The following PGPEP1L variants were observed in gnomAD, a reference collection of about 807,000 sequenced individuals.
PGPEP1L encodes the protein pyroglutamyl-peptidase I like.
Under a neutral mutation model 6.0 loss-of-function variants are expected in PGPEP1L, and 7 were observed. The observed-to-expected ratio is 1.17, with a 90% CI of 0.66 to 2.19. PGPEP1L has a LOEUF of 2.19. Ranked by LOEUF, PGPEP1L falls within the 30% of genes most tolerant of loss-of-function variation. PGPEP1L has a pLI of 0.00. For missense variants in PGPEP1L, 209 were observed against 192.5 expected (o/e 1.09, Z -0.51); for synonymous variants, 103 against 83.9 (o/e 1.23, Z -1.24).
rs1001539956 is a variant in PGPEP1L at position 98,994,621 on chromosome 15, G to A, written c.-142+10808C>T. Among the ~76,000 whole-genome samples, 7 of 152,148 alleles carry A rather than the reference G, an allele frequency of 4.6e-5. No homozygotes were observed. The East Asian group carries it at 5.8e-4, about 13-fold the overall frequency. ...AAAAAAATGGAGCTATTATTACTAC[G>A]ACCTTATACAAATAATGCTAGTTTA... On this transcript the variant is annotated intron_variant, in intron 2 of 4. Transcript: ENST00000535714.
chr15:99,002,058 C>A (rs2017979728), intron 2 of PGPEP1L, among the ~76,000 whole-genome samples: 1 of 152,124 alleles, frequency 6.6e-6, no homozygotes, highest in Admixed American at 6.5e-5. Flanking sequence ...GTCATGCAGG[C>A]TGGAGTGTAG....
At chr15:98,978,514 G>A (rs2017601984) in intron 2 of PGPEP1L, among the ~76,000 whole-genome samples, 1 of 152,030 alleles carries the variant, frequency 6.6e-6, no homozygotes, top group South Asian at 2.1e-4. Context: ...ATGTGAGGAT[G>A]GAGATGAGAA....
At chr15:98,982,386 T>G (rs1346868175) in intron 2 of PGPEP1L, among the ~76,000 whole-genome samples, 1 of 152,158 alleles carries the variant, frequency 6.6e-6, no homozygotes, top group Non-Finnish European at 1.5e-5. Flanking sequence ...GAAGTGAGAA[T>G]GCAAGGACAG....
chr15:98,996,791 C>T (rs544777029), intron 2 of PGPEP1L, among the ~76,000 whole-genome samples: 9 of 152,130 alleles, frequency 5.9e-5, no homozygotes, highest in Admixed American at 6.5e-5. Context: ...TCTACCTTAT[C>T]TGTGAATCAT....
intron 2 of PGPEP1L, among the ~76,000 whole-genome samples, chr15:98,989,168 G>A (rs567642934): frequency 3.3e-5 from 5 of 152,282 alleles, no homozygotes; most frequent in African/African-American, 4.8e-5. Context: ...TCACAAGGTG[G>A]ATAATAACAA....
chr15:98,968,679 G>T lies in PGPEP1L; in HGVS notation c.228C>A (p.Thr76=). Residue 76 remains threonine, a synonymous_variant, in exon 5 of 5, where the codon ACC becomes ACA. Coordinates refer to ENST00000535714, the MANE Select transcript of PGPEP1L (RefSeq NM_001167902.2). The part of the protein sequence containing the change: ...RDAGRYVCDY[T]YYLSLHHGKG... ...TTCCATGATGCAGAGACAGGTAATA[G>T]GTATAATCACAGACGTATCTGCAAC... 6.4e-7 allele frequency: 1 copy of T among 1,574,282 alleles called. No homozygotes were observed. The highest frequency in any genetic ancestry group is 1.2e-5 in the South Asian group (1 of 85,716).
chr15:98,969,432 C>A lies in PGPEP1L; in HGVS notation c.202G>T (p.Ala68Ser). The A allele has an allele frequency of 6.2e-7, 1 of 1,614,020 alleles. No homozygotes were observed. Among genetic ancestry groups the A allele is most frequent in the Non-Finnish European group, 8.5e-7 (1 of 1,179,900 alleles). Residue 68 changes from alanine to serine, a missense_variant, in exon 4 of 5, where the codon GCA becomes TCA. Ala to Ser is a moderately conservative substitution (Grantham distance 99, BLOSUM62 1). Coordinates refer to ENST00000535714, the MANE Select transcript of PGPEP1L (RefSeq NM_001167902.2). ...EGVDVIFSRD[A>S]GRYVCDYTYY... is the part of the protein sequence containing the mutation. ...GACACCCACAGAGCATACCTGCCTG[C>A]ATCTCGGGAAAAGATCACGTCGACA...
intron 2 of PGPEP1L, among the ~76,000 whole-genome samples, chr15:99,005,051 G>A (rs1242205793): frequency 2.0e-5 from 3 of 152,012 alleles, no homozygotes; most frequent in African/African-American, 4.8e-5. Flanking sequence ...CCTCTTCCTT[G>A]CTATGAGCCT....
chr15:98,976,325 G>C (rs1027499898), intron 2 of PGPEP1L, among the ~76,000 whole-genome samples: 1 of 152,112 alleles, frequency 6.6e-6, no homozygotes, highest in Admixed American at 6.5e-5. Context: ...TGCTCTGAAC[G>C]AAGACTAAAT....
chr15:98,981,578 G>A (rs1305855953), intron 2 of PGPEP1L, among the ~76,000 whole-genome samples: 3 of 151,952 alleles, frequency 2.0e-5, no homozygotes, highest in East Asian at 1.9e-4. Context: ...ACAAGCCTAC[G>A]GAGACTCGAG....
intron 2 of PGPEP1L, among the ~76,000 whole-genome samples, chr15:98,999,006 G>T (rs1201508185): frequency 1.3e-5 from 2 of 152,180 alleles, no homozygotes; most frequent in Middle Eastern, 3.4e-3. Flanking sequence ...TTTTTTGGGG[G>T]GAAGGAGAAA....
chr15:99,007,253 C>T (rs1205985051), intron 1 of PGPEP1L, 106 bp downstream of exon 1: 2 of 152,192 alleles, frequency 1.3e-5, no homozygotes, highest in African/African-American at 2.4e-5. Flanking sequence ...TTGTACTTTG[C>T]CTCATTTCAC....
intron 2 of PGPEP1L, 89 bp from the exon 3 acceptor site, chr15:98,971,247 G>T (rs2046384367): frequency 7.0e-7 from 1 of 1,432,644 alleles, no homozygotes; most frequent in South Asian, 1.3e-5. Context: ...AATCCTTGGG[G>T]TCTACTTCCA....
At chr15:98,986,048 TCTG>T (rs1247828266) in intron 2 of PGPEP1L, among the ~76,000 whole-genome samples, 1 of 152,226 alleles carries the variant, frequency 6.6e-6, no homozygotes, top group Non-Finnish European at 1.5e-5. Flanking sequence ...CTTCTTAGAA[TCTG>T]CTTTGTGTTG....
intron 2 of PGPEP1L, among the ~76,000 whole-genome samples, chr15:98,975,946 T>C (rs965754082): frequency 2.6e-5 from 4 of 151,224 alleles, no homozygotes; most frequent in African/African-American, 7.4e-5. Context: ...AAAGAAAAGA[T>C]GTATGGTGAA....
chr15:99,007,129 C>T (rs1202815354), intron 1 of PGPEP1L, among the ~76,000 whole-genome samples: 4 of 152,230 alleles, frequency 2.6e-5, no homozygotes, highest in African/African-American at 4.8e-5. Flanking sequence ...CTGGTGTGGG[C>T]TGCAGGCCTC....
chr15:99,003,553 A>G (rs1342076509), intron 2 of PGPEP1L, among the ~76,000 whole-genome samples: 9 of 152,102 alleles, frequency 5.9e-5, no homozygotes, highest in African/African-American at 1.9e-4. Context: ...TCTCGAAGCA[A>G]TTTGTCGGAG....
intron 2 of PGPEP1L, among the ~76,000 whole-genome samples, chr15:98,981,223 T>C (rs1242126272): frequency 6.6e-6 from 1 of 152,028 alleles, no homozygotes; most frequent in Non-Finnish European, 1.5e-5. Flanking sequence ...CCGGGCGCGG[T>C]GGCTCCCGCC....
At chr15:99,006,988 G>A (rs1357207355) in intron 1 of PGPEP1L, among the ~76,000 whole-genome samples, 1 of 152,164 alleles carries the variant, frequency 6.6e-6, no homozygotes, top group African/African-American at 2.4e-5. Context: ...GCAGGACCAC[G>A]TGGCTCCATC....
Sources: gnomAD v4.1 joint callset for allele counts (sites outside exome capture counted in the v4.1 genomes callset) on GRCh38, gnomAD v4.1.1 for gene constraint, MANE v1.5 for transcripts, NCBI Gene and HGNC (gene_info 2026-07-23, HGNC 2026-07-21) for gene names.